UBN2: variants seen among roughly 807,000 people sequenced by gnomAD.
The protein encoded by UBN2 is ubinuclein-2.
A neutral mutation model predicts 120.2 loss-of-function variants in UBN2; 35 were observed. The ratio of observed to expected loss-of-function variants is 0.29; its 90% CI spans 0.22 to 0.39. The LOEUF is 0.39. Ranked by LOEUF, UBN2 falls within the 10% of genes least tolerant of loss-of-function variation. UBN2 has a pLI of 1.00. For missense variants in UBN2, 1,693 were observed against 1,663.2 expected, an observed-to-expected ratio of 1.02 and a Z score of -0.31; for synonymous variants, 661 against 648.7, an observed-to-expected ratio of 1.02 and a Z score of -0.29.
intron 15 of UBN2, among the ~76,000 whole-genome samples, chr7:139,286,303 A>G (rs1440548807): frequency 6.6e-6 from 1 of 152,078 alleles, no homozygotes; most frequent in Non-Finnish European, 1.5e-5. Flanking sequence ...ACCTCAAGTG[A>G]TCTGCCCGCT....
In UBN2 at chr7:139,231,601, G is replaced by A; in HGVS notation, c.117G>A (p.Glu39=). The change falls in exon 1 of 18, where the codon GAG becomes GAA. Residue 39 remains glutamate (E), a synonymous_variant. Coordinates refer to ENST00000473989, the MANE Select transcript of UBN2 (RefSeq NM_173569.4). ...ACCCCCGCGAGCCCCCCCGGCTGGAGCCGCAGCCGTACCGCGAGCCGGCCC... is the reference window on the plus strand; with the variant it reads ...ACCCCCGCGAGCCCCCCCGGCTGGAACCGCAGCCGTACCGCGAGCCGGCCC... ...PEYPREPPRL[E]PQPYREPARA... 7.2e-7 allele frequency: 1 copy of A among 1,379,770 alleles called. No homozygotes were observed. The highest frequency in any genetic ancestry group is 1.6e-5 in the South Asian group (1 of 62,080). 85.5% of individuals were successfully genotyped at this position (1,379,770 alleles called of 1,614,324 possible). A position where few individuals can be genotyped will look rare whatever the true frequency, so the allele number is the denominator to read the frequency against.
intron 8 of UBN2, among the ~76,000 whole-genome samples, chr7:139,271,879 G>A (rs765652639): frequency 2.2e-4 from 33 of 152,246 alleles, no homozygotes; most frequent in East Asian, 1.9e-4. Flanking sequence ...GGATACCAAC[G>A]TCCGGTTGGT....
intron 3 of UBN2, among the ~76,000 whole-genome samples, chr7:139,254,092 G>A (rs1296195286): frequency 1.3e-5 from 2 of 152,142 alleles, no homozygotes; most frequent in African/African-American, 4.8e-5. Flanking sequence ...AGGAGATCGA[G>A]ACCATCCTGG....
the UBN2 span, among the ~76,000 whole-genome samples, chr7:139,326,640 A>C: frequency 6.6e-6 from 1 of 152,206 alleles, no homozygotes; most frequent in Non-Finnish European, 1.5e-5. Context: ...TTGAATGATA[A>C]AATATTTGCT....
rs1339498787 is a variant in UBN2, at chr7:139,286,625, T to C, written c.3669+2051T>C. On this transcript the variant is annotated intron_variant, in intron 15 of 17. Coordinates refer to ENST00000473989, the MANE Select transcript of UBN2 (RefSeq NM_173569.4). ...TTTCAACAAAATGTGTTTTGTATAA[T>C]ATTTCGTTTTATAACCGGCAAAAAA... 3.9e-5 allele frequency among the ~76,000 whole-genome samples: 6 copies of C among 152,344 alleles called. No individual in the cohort carries two copies. In the East Asian group the frequency reaches 1.2e-3, roughly 29 times the overall value.
chr7:139,286,505 T>C (rs1797793305), intron 15 of UBN2, among the ~76,000 whole-genome samples: 2 of 152,226 alleles, frequency 1.3e-5, no homozygotes, highest in Non-Finnish European at 2.9e-5. Context: ...CTGAAAGTAA[T>C]GTATGTTCAT....
rs1798275911 is a variant in UBN2, at chr7:139,302,216, C to T, written c.*4380C>T. On this transcript the variant is annotated 3_prime_UTR_variant, in exon 18 of 18. Coordinates refer to ENST00000473989, the MANE Select transcript of UBN2 (RefSeq NM_173569.4). ...ACATCATGTCATGCTGTGTAACCCT[C>T]TTCCTTTGCTTTCTATGTATATGGA... is the stretch of plus-strand genomic sequence containing the variant. 1 of 152,194 alleles carries T rather than the reference C, an allele frequency of 6.6e-6. No individual in the cohort carries two copies. Among genetic ancestry groups the T allele is most frequent in the Non-Finnish European group, 1.5e-5 (1 of 68,028 alleles). 9.4% of individuals were successfully genotyped at this position (152,194 alleles called of 1,614,324 possible).
chr7:139,297,281 G>A (rs1385804581), intron 17 of UBN2, among the ~76,000 whole-genome samples: 1 of 151,808 alleles, frequency 6.6e-6, no homozygotes, highest in East Asian at 1.9e-4. Context: ...CACACACTCA[G>A]CTGGATGTTT....
Position 139,302,806 on chromosome 7 carries a change from G to C in UBN2, c.*4970G>C, listed in dbSNP as rs1056672999. 1 of 149,886 alleles carries C rather than the reference G, an allele frequency of 6.7e-6. No individual in the cohort carries two copies. The highest frequency in any genetic ancestry group is 1.5e-5 in the Non-Finnish European group (1 of 67,162). 9.3% of individuals were successfully genotyped at this position (149,886 alleles called of 1,614,324 possible). A position where few individuals can be genotyped will look rare whatever the true frequency, so the allele number is the denominator to read the frequency against. On this transcript the variant is annotated 3_prime_UTR_variant, in exon 18 of 18. Coordinates refer to ENST00000473989, the MANE Select transcript of UBN2 (RefSeq NM_173569.4). ...CACACACACACACACACACACGTCA[G>C]TTACTACAAGTAAAATAAACTTAGT...
chr7:139,232,227 T>C (rs1257493861), intron 1 of UBN2, among the ~76,000 whole-genome samples: 1 of 152,262 alleles, frequency 6.6e-6, no homozygotes, highest in African/African-American at 2.4e-5. Flanking sequence ...TGTGCACCTT[T>C]CGGAACCTCA....
At chr7:139,276,254 A>G in intron 12 of UBN2, 107 bp downstream of exon 12, 2 of 1,061,440 alleles carry the variant, frequency 1.9e-6, no homozygotes, top group Non-Finnish European at 2.9e-6. Context: ...TAAAAAGATC[A>G]TTTTGACCAT....
Position 139,237,009 on chromosome 7 carries a change from A to C in UBN2, c.473A>C (p.Lys158Thr). 4 of 1,605,430 alleles carry C rather than the reference A, an allele frequency of 2.5e-6. No homozygotes were observed. Among genetic ancestry groups the C allele is most frequent in the Non-Finnish European group, 3.4e-6 (4 of 1,174,266 alleles). The stretch of plus-strand genomic sequence containing the variant: ...TTCCCATTCACCTTGAATCAGAAGA[A>C]GCTCATTCACACAGAAGACCCATTT... ...ELLLCGEQRK[K>T]LIHTEDPFND... Residue 158 changes from lysine (K) to threonine (T), a missense_variant, in exon 2 of 18, where the codon AAG becomes ACG. Physicochemically the swap from Lys to Thr is moderately conservative, Grantham distance 78. Coordinates refer to ENST00000473989, the MANE Select transcript of UBN2 (RefSeq NM_173569.4).
At position 139,296,519 on chromosome 7, in the gene UBN2, T is replaced by G. The variant is rs149375052; in HGVS notation, c.3995-1268T>G. ...CCTGTCCTTTGCTGTCAGGCATGGG[T>G]TGTCTTTGAGGCCTCATTTTTCTTG... On this transcript the variant is annotated intron_variant, in intron 17 of 17. Transcript: ENST00000473989. Among the ~76,000 whole-genome samples, 186 of 152,242 alleles carry G rather than the reference T, an allele frequency of 1.2e-3. 1 individual carries two copies. The highest frequency in any genetic ancestry group is 4.4e-3 in the African/African-American group (183 of 41,542).
At chr7:139,308,915 C>CA, downstream of UBN2, among the ~76,000 whole-genome samples, 1 of 152,086 alleles carries the variant, frequency 6.6e-6, no homozygotes, top group African/African-American at 2.4e-5. Flanking sequence ...GCTGAAAATA[C>CA]AAAAATTAGC....
At chr7:139,264,956 C>CATATGATCAAATCATG (rs1340761956) in intron 6 of UBN2, among the ~76,000 whole-genome samples, 3 of 152,238 alleles carry the variant, frequency 2.0e-5, no homozygotes, top group African/African-American at 7.2e-5. Context: ...TTGATACATT[C>CATATGATCAAATCATG]ATATGATCAA....
rs747700684 is a variant in UBN2, at chr7:139,231,484, G to T, written c.-1G>T. On this transcript the variant is annotated 5_prime_UTR_variant, in exon 1 of 18. Coordinates refer to ENST00000473989, the MANE Select transcript of UBN2 (RefSeq NM_173569.4). ...AAAAGCGGAGGGCCAGAACAGTGGGGATGGCGGAGCCGCGCAGAGTAGCGT... is the reference window on the plus strand; with the variant it reads ...AAAAGCGGAGGGCCAGAACAGTGGGTATGGCGGAGCCGCGCAGAGTAGCGT... The T allele has an allele frequency of 6.5e-6, 9 of 1,378,842 alleles. No homozygotes were observed. Among genetic ancestry groups the T allele is most frequent in the Non-Finnish European group, 7.6e-6 (8 of 1,058,206 alleles). The allele number at this position is 1,378,842 out of a possible 1,614,324, so 85.4% of individuals were successfully genotyped here. A position where few individuals can be genotyped will look rare whatever the true frequency, so the allele number is the denominator to read the frequency against.
rs370786163 is a variant in UBN2, at chr7:139,261,238, T to C, written c.906-14T>C. Reference sequence around the variant, plus strand: ...AATCACACATAGCCTAACTGATCATTTTTGTCTTCACAGAGTTGTGGCTCT... The same window carrying C: ...AATCACACATAGCCTAACTGATCATCTTTGTCTTCACAGAGTTGTGGCTCT... On this transcript the variant is annotated splice_polypyrimidine_tract_variant and intron_variant, in intron 5 of 17. Coordinates refer to ENST00000473989, the MANE Select transcript of UBN2 (RefSeq NM_173569.4). The C allele has an allele frequency of 7.6e-6, 12 of 1,584,804 alleles. No homozygotes were observed. The African/African-American group carries it at 1.4e-4, about 18-fold the overall frequency.
In UBN2 at chr7:139,307,979, G is replaced by C. The variant is rs1798391847; in HGVS notation, c.*10143G>C. 6.7e-6 allele frequency: 1 copy of C among 150,008 alleles called. No homozygotes were observed. Among genetic ancestry groups the C allele is most frequent in the Non-Finnish European group, 1.5e-5 (1 of 67,690 alleles). 9.3% of individuals were successfully genotyped at this position (150,008 alleles called of 1,614,324 possible). A position where few individuals can be genotyped will look rare whatever the true frequency, so the allele number is the denominator to read the frequency against. On this transcript the variant is annotated 3_prime_UTR_variant, in exon 18 of 18. Coordinates refer to ENST00000473989, the MANE Select transcript of UBN2 (RefSeq NM_173569.4). ...TCCTAAATATGGACCTGTGAATTTA[G>C]TAAATTACCCCCATGAATATACTCC...
At position 139,297,904 on chromosome 7, in the gene UBN2, T is replaced by C; in HGVS notation, c.*68T>C. ...GGAATCTACCTGATGGGAAAGTACT[T>C]ATGTGGTCATAGGGCTGCTGTTTCT... is the stretch of plus-strand genomic sequence containing the variant. On this transcript the variant is annotated 3_prime_UTR_variant, in exon 18 of 18. Coordinates refer to ENST00000473989, the MANE Select transcript of UBN2 (RefSeq NM_173569.4). 6.5e-7 allele frequency: 1 copy of C among 1,529,726 alleles called. No individual in the cohort carries two copies. The highest frequency in any genetic ancestry group is 9.1e-7 in the Non-Finnish European group (1 of 1,104,262). 94.8% of individuals were successfully genotyped at this position (1,529,726 alleles called of 1,614,324 possible). A position where few individuals can be genotyped will look rare whatever the true frequency, so the allele number is the denominator to read the frequency against.
Sources: gnomAD v4.1 joint callset for allele counts (sites outside exome capture counted in the v4.1 genomes callset) on GRCh38, gnomAD v4.1.1 for gene constraint, MANE v1.5 for transcripts, NCBI Gene and HGNC (gene_info 2026-07-23, HGNC 2026-07-21) for gene names.